VAV2: variants seen among roughly 807,000 people sequenced by gnomAD.
VAV2 encodes vav guanine nucleotide exchange factor 2, also known as guanine nucleotide exchange factor VAV2.
In VAV2, 67 loss-of-function variants were observed where a neutral mutation model predicts 132.5. The observed-to-expected ratio is 0.51, with a 90% CI of 0.42 to 0.62. VAV2 has a LOEUF of 0.62. Among genes scored for constraint, VAV2 ranks in the 20% least tolerant of loss-of-function variants. VAV2 has a pLI of 0.00. For synonymous variants in VAV2, 492 were observed against 443.5 expected (o/e 1.11, Z -1.37); for missense variants, 938 against 1,153.6 (o/e 0.81, Z 2.71).
intron 2 of VAV2, among the ~76,000 whole-genome samples, chr9:133,927,255 C>T (rs961031897): frequency 2.6e-5 from 4 of 152,158 alleles, no homozygotes; most frequent in South Asian, 2.1e-4. Flanking sequence ...ACCACACCCA[C>T]GGCAGACAAC....
At chr9:133,989,680 A>T (rs1166058333) in intron 1 of VAV2, among the ~76,000 whole-genome samples, 1 of 152,200 alleles carries the variant, frequency 6.6e-6, no homozygotes, top group Non-Finnish European at 1.5e-5. Context: ...GCAAGACTCC[A>T]TCTCCAAAAA....
intron 2 of VAV2, among the ~76,000 whole-genome samples, chr9:133,898,290 C>G (rs893358526): frequency 6.6e-6 from 1 of 152,104 alleles, no homozygotes; most frequent in Non-Finnish European, 1.5e-5. Context: ...AGACCCTCAA[C>G]AGAAAGAGAC....
At chr9:133,890,265 G>A (rs1246958854) in intron 2 of VAV2, among the ~76,000 whole-genome samples, 2 of 147,708 alleles carry the variant, frequency 1.4e-5, no homozygotes, top group Non-Finnish European at 3.0e-5. Flanking sequence ...GCCAGAACTC[G>A]GCTCCACCGC....
chr9:133,825,025 CT>C (rs1835929995), intron 4 of VAV2, among the ~76,000 whole-genome samples: 2 of 152,238 alleles, frequency 1.3e-5, no homozygotes, highest in Non-Finnish European at 2.9e-5. Context: ...GCAAGAGACC[CT>C]TGGCAGCATT....
chr9:133,961,378 C>T lies in VAV2; in HGVS notation c.205-22159G>A, dbSNP rs1841960356. The stretch of plus-strand genomic sequence containing the variant: ...GTGGAATGAGCAACGTGCAGTTTTG[C>T]ACCCAGAAACTGGTCAGGCTTCTGA... On this transcript the variant is annotated intron_variant, in intron 1 of 29. Coordinates refer to ENST00000371850, the MANE Select transcript of VAV2 (RefSeq NM_001134398.2). The surrounding 1 kb of genome is among the most constrained non-coding windows in gnomAD (Gnocchi z 4.1). 6.6e-6 allele frequency among the ~76,000 whole-genome samples: 1 copy of T among 152,196 alleles called. No individual in the cohort carries two copies. Among genetic ancestry groups the T allele is most frequent in the Admixed American group, 6.5e-5 (1 of 15,286 alleles).
At chr9:133,770,738 C>T (rs1056484140) in intron 26 of VAV2, among the ~76,000 whole-genome samples, 1 of 152,194 alleles carries the variant, frequency 6.6e-6, no homozygotes, top group African/African-American at 2.4e-5. Context: ...GACTGACCAG[C>T]ACGGACACTG....
At chr9:133,775,109 G>C in intron 24 of VAV2, 58 bp from the exon 25 acceptor site, 1 of 1,443,166 alleles carries the variant, frequency 6.9e-7, no homozygotes, top group South Asian at 1.3e-5. Flanking sequence ...TCTGAGGGGT[G>C]CCCAGCCCTC....
rs1837662892 is a variant in VAV2, at chr9:133,863,124, C to G, written c.322-1692G>C. ...GAACTTGGCTCTGGAGTGTTTTTGG[C>G]TTTTAAGAGCTCTAAGCATTTAGGG... is the stretch of plus-strand genomic sequence containing the variant. On this transcript the variant is annotated intron_variant, in intron 2 of 29. Transcript: ENST00000371850. The surrounding 1 kb of genome is among the most constrained non-coding windows in gnomAD (Gnocchi z 5.0). Among the ~76,000 whole-genome samples the G allele has an allele frequency of 6.6e-6, 1 of 152,166 alleles. No individual in the cohort carries two copies. The highest frequency in any genetic ancestry group is 2.1e-4 in the South Asian group (1 of 4,828).
chr9:133,779,566 A>G (rs1384760111), intron 21 of VAV2, among the ~76,000 whole-genome samples: 2 of 152,254 alleles, frequency 1.3e-5, no homozygotes, highest in African/African-American at 4.8e-5. Flanking sequence ...AGCAACCCGC[A>G]GCAAGGCAGG....
At chr9:133,854,127 C>A (rs1468579159) in intron 3 of VAV2, among the ~76,000 whole-genome samples, 14 of 89,856 alleles carry the variant, frequency 1.6e-4, no homozygotes, top group Non-Finnish European at 8.2e-5. Context: ...TGCACCTGCA[C>A]ACACACACCC....
Position 133,763,875 on chromosome 9 carries a change from C to T in VAV2, c.*187G>A, listed in dbSNP as rs1391936234. ...TACAATAGCATACCCAGTGATGGGT[C>T]GCCGAGGGCAGGCTGACAGTGAAAC... On this transcript the variant is annotated 3_prime_UTR_variant, in exon 30 of 30. Coordinates refer to ENST00000371850, the MANE Select transcript of VAV2 (RefSeq NM_001134398.2). The surrounding 1 kb of genome is among the most constrained non-coding windows in gnomAD (Gnocchi z 6.8). 5.9e-6 allele frequency: 4 copies of T among 682,734 alleles called. No individual in the cohort carries two copies. Among genetic ancestry groups the T allele is most frequent in the Non-Finnish European group, 9.9e-6 (4 of 402,068 alleles). 42.3% of individuals were successfully genotyped at this position (682,734 alleles called of 1,614,324 possible).
chr9:133,906,777 C>T (rs1038893848), intron 2 of VAV2, among the ~76,000 whole-genome samples: 4 of 152,182 alleles, frequency 2.6e-5, no homozygotes, highest in African/African-American at 7.2e-5. Context: ...CTGGGGGCAG[C>T]GGGGTCCCTG....
intron 2 of VAV2, among the ~76,000 whole-genome samples, chr9:133,901,921 G>A (rs972584997): frequency 6.6e-6 from 1 of 152,188 alleles, no homozygotes; most frequent in Non-Finnish European, 1.5e-5. Flanking sequence ...AGAGGCCAAA[G>A]GAGATGGGCC....
Position 133,885,643 on chromosome 9 carries a change from C to A in VAV2, c.322-24211G>T, listed in dbSNP as rs1413677483. ...AAGCTTGGTGTGGTGTTCTGCTGGG[C>A]CCCCACCTCCAATTTCCATCTAACA... On this transcript the variant is annotated intron_variant, in intron 2 of 29. Transcript: ENST00000371850. This position sits in a 1 kb window ranked among gnomAD's most constrained non-coding sequence, Gnocchi z 5.0. 6.6e-6 allele frequency among the ~76,000 whole-genome samples: 1 copy of A among 152,164 alleles called. No homozygotes were observed. Among genetic ancestry groups the A allele is most frequent in the Non-Finnish European group, 1.5e-5 (1 of 68,026 alleles).
At chr9:133,873,044 C>T (rs1294980843) in intron 2 of VAV2, among the ~76,000 whole-genome samples, 2 of 132,512 alleles carry the variant, frequency 1.5e-5, no homozygotes, top group Non-Finnish European at 3.1e-5. Context: ...ACCCAGGAGG[C>T]GGAGGTTGCA....
At chr9:133,983,297 G>A (rs563126065) in intron 1 of VAV2, among the ~76,000 whole-genome samples, 3 of 152,262 alleles carry the variant, frequency 2.0e-5, no homozygotes, top group South Asian at 4.1e-4. Context: ...AGGGCATCAC[G>A]CTGCCCACCA....
In VAV2 at chr9:133,834,294, G is replaced by A. The variant is rs761751112; in HGVS notation, c.427C>T (p.Arg143Cys). 1.2e-6 allele frequency: 2 copies of A among 1,612,208 alleles called. No homozygotes were observed. The highest frequency in any genetic ancestry group is 1.7e-6 in the Non-Finnish European group (2 of 1,179,350). Residue 143 changes from arginine to cysteine, a missense_variant, in exon 4 of 30, where the codon CGC becomes TGC. Physicochemically the swap from Arg to Cys is radical, Grantham distance 180. Transcript: ENST00000371850. The surrounding 1 kb of genome is among the most constrained non-coding windows in gnomAD (Gnocchi z 5.9). Reference sequence around the variant, plus strand: ...TACTCGGCCAGCTCCTCCAGGCTGCGGTAGACGTCATCGTCATTCTCTGTG... The same window carrying A: ...TACTCGGCCAGCTCCTCCAGGCTGCAGTAGACGTCATCGTCATTCTCTGTG... ...ETTENDDDVYRSLEELADEHD... is the reference protein window; with the variant it reads ...ETTENDDDVYCSLEELADEHD...
rs1588370832 is a variant in VAV2 at position 133,919,787 on chromosome 9, A to G, written c.321+19316T>C. 6.6e-6 allele frequency among the ~76,000 whole-genome samples: 1 copy of G among 152,176 alleles called. No individual in the cohort carries two copies. Among genetic ancestry groups the G allele is most frequent in the Non-Finnish European group, 1.5e-5 (1 of 68,016 alleles). On this transcript the variant is annotated intron_variant, in intron 2 of 29. Transcript: ENST00000371850. This position sits in a 1 kb window ranked among gnomAD's most constrained non-coding sequence, Gnocchi z 5.8. ...TTCTTGGCATCCGTGAGGCAGAGAC[A>G]TGGAAGATGGAAGGTCCCCGCTGCC...
intron 23 of VAV2, among the ~76,000 whole-genome samples, chr9:133,776,578 C>T (rs574008727): frequency 1.3e-5 from 2 of 152,268 alleles, no homozygotes; most frequent in East Asian, 1.9e-4. Flanking sequence ...CCTCTTCCCT[C>T]GCACCCTATT....
Sources: gnomAD v4.1 joint callset for allele counts (sites outside exome capture counted in the v4.1 genomes callset) on GRCh38, gnomAD v4.1.1 for gene constraint, Gnocchi (gnomAD v3.1) non-coding constraint, MANE v1.5 for transcripts, NCBI Gene and HGNC (gene_info 2026-07-23, HGNC 2026-07-21) for gene names.